MINDY2: variants seen among roughly 807,000 people sequenced by gnomAD.
MINDY2 encodes ubiquitin carboxyl-terminal hydrolase MINDY-2.
MINDY2 carries 52 observed loss-of-function variants against 68.2 expected under a neutral mutation model. That is an observed-to-expected ratio of 0.76 (90% CI 0.61 to 0.96). MINDY2 has a LOEUF of 0.96. MINDY2 is among the 40% of genes least tolerant of loss of function. MINDY2 has a pLI of 0.00. For missense variants in MINDY2, 881 were observed against 773.4 expected, an observed-to-expected ratio of 1.14 and a Z score of -1.65; for synonymous variants, 372 against 303.0, an observed-to-expected ratio of 1.23 and a Z score of -2.36.
intron 4 of MINDY2, among the ~76,000 whole-genome samples, chr15:58,814,598 C>T (rs1402518809): frequency 4.3e-5 from 6 of 138,802 alleles, no homozygotes; most frequent in Admixed American, 1.5e-4. Flanking sequence ...AGGCTGGTCT[C>T]GAACTCCTGG....
chr15:58,818,937 A>T (rs1206079958), intron 4 of MINDY2, among the ~76,000 whole-genome samples: 1 of 151,996 alleles, frequency 6.6e-6, no homozygotes, highest in Non-Finnish European at 1.5e-5. Context: ...CACTATGCCC[A>T]GCCTATTGAT....
intron 6 of MINDY2, among the ~76,000 whole-genome samples, chr15:58,839,512 C>T (rs992870907): frequency 2.6e-5 from 4 of 151,716 alleles, no homozygotes; most frequent in African/African-American, 4.8e-5. Flanking sequence ...TTGTATTTTT[C>T]GTAGGAATGT....
chr15:58,790,157 A>G (rs1403143258), intron 2 of MINDY2, among the ~76,000 whole-genome samples: 1 of 152,202 alleles, frequency 6.6e-6, no homozygotes, highest in Non-Finnish European at 1.5e-5. Flanking sequence ...TTAAGGGTAG[A>G]TTACTCTGAA....
At chr15:58,820,624 G>A (rs1193467940) in intron 4 of MINDY2, among the ~76,000 whole-genome samples, 1 of 152,110 alleles carries the variant, frequency 6.6e-6, no homozygotes, top group East Asian at 1.9e-4. Context: ...TTATAGCATA[G>A]AATGGTGGTT....
chr15:58,805,981 G>C (rs536797979), intron 3 of MINDY2, among the ~76,000 whole-genome samples: 1 of 152,348 alleles, frequency 6.6e-6, no homozygotes, highest in South Asian at 2.1e-4. Flanking sequence ...GGCTGAGGCA[G>C]ATGGAACCCT....
At chr15:58,778,105 A>AATC (rs1163538918) in intron 1 of MINDY2, among the ~76,000 whole-genome samples, 2 of 152,172 alleles carry the variant, frequency 1.3e-5, no homozygotes, top group African/African-American at 4.8e-5. Context: ...TAATAGAGGG[A>AATC]ATCCCTACTT....
At chr15:58,822,489 A>G (rs566788830) in intron 5 of MINDY2, among the ~76,000 whole-genome samples, 171 of 152,302 alleles carry the variant, frequency 1.1e-3, no homozygotes, top group African/African-American at 3.8e-3. Context: ...TGAATACTTC[A>G]ACTGACTGAG....
At chr15:58,816,471 T>A (rs989640562) in intron 4 of MINDY2, among the ~76,000 whole-genome samples, 1 of 152,136 alleles carries the variant, frequency 6.6e-6, no homozygotes, top group African/African-American at 2.4e-5. Flanking sequence ...AGTGCAGTAG[T>A]GTGATCATAG....
chr15:58,826,664 T>G (rs1338378994), intron 5 of MINDY2, among the ~76,000 whole-genome samples: 1 of 152,248 alleles, frequency 6.6e-6, no homozygotes, highest in Non-Finnish European at 1.5e-5. Context: ...ACAATGCAAT[T>G]ATTTCAAGCA....
chr15:58,828,079 A>G (rs1414913593), intron 5 of MINDY2, among the ~76,000 whole-genome samples: 6 of 151,890 alleles, frequency 4.0e-5, no homozygotes, highest in African/African-American at 1.4e-4. Context: ...CTAAAAATAC[A>G]AAAAATTAGC....
chr15:58,794,358 GGTGTGTGTGT>G (rs3985718), intron 2 of MINDY2, among the ~76,000 whole-genome samples: 22 of 139,174 alleles, frequency 1.6e-4, no homozygotes, highest in East Asian at 6.5e-4. Flanking sequence ...TTTTTTTTGG[GGTGTGTGTGT>G]GTGTGTGTGT....
chr15:58,771,662 C>T lies in MINDY2; in HGVS notation c.267C>T (p.Asp89=), dbSNP rs750079041. ...CCTCCGCGGGTTTGGACTTGAAGGACAGTGGTTTGGAGAGTCCTGCTGCCG... is the reference window on the plus strand; with the variant it reads ...CCTCCGCGGGTTTGGACTTGAAGGATAGTGGTTTGGAGAGTCCTGCTGCCG... ...CSSSAGLDLK[D]SGLESPAAAE... is the part of the protein sequence containing the mutation. Residue 89 remains aspartate, a synonymous_variant, in exon 1 of 9, where the codon GAC becomes GAT. Transcript: ENST00000559228. The T allele has an allele frequency of 5.0e-6, 8 of 1,612,502 alleles. No homozygotes were observed. In the African/African-American group the frequency reaches 8.0e-5, roughly 16 times the overall value.
intron 6 of MINDY2, among the ~76,000 whole-genome samples, chr15:58,841,821 A>G (rs552391628): frequency 1.3e-5 from 2 of 152,326 alleles, no homozygotes; most frequent in East Asian, 1.9e-4. Flanking sequence ...CTATTTATCC[A>G]TGCAGGAAAT....
chr15:58,824,324 G>A (rs2031254207), intron 5 of MINDY2, among the ~76,000 whole-genome samples: 1 of 152,084 alleles, frequency 6.6e-6, no homozygotes, highest in African/African-American at 2.4e-5. Flanking sequence ...AATTTAGGAA[G>A]AACATCATGG....
At chr15:58,801,515 C>T (rs1902661198) in intron 2 of MINDY2, among the ~76,000 whole-genome samples, 1 of 151,322 alleles carries the variant, frequency 6.6e-6, no homozygotes, top group Non-Finnish European at 1.5e-5. Flanking sequence ...AAATTGTGAT[C>T]CATATTTTTA....
At position 58,840,870 on chromosome 15, in the gene MINDY2, G is replaced by A. The variant is rs1445819297; in HGVS notation, c.1369-6427G>A. On this transcript the variant is annotated intron_variant, in intron 6 of 8. Transcript: ENST00000559228. ...TTTTTAGTAGAGATGGGTTTTCACC[G>A]TGTTAGCCAGGATGGTCTCGATCTC... 6.3e-5 allele frequency among the ~76,000 whole-genome samples: 9 copies of A among 143,010 alleles called. No individual in the cohort carries two copies. The East Asian group carries it at 1.2e-3, about 19-fold the overall frequency. 93.8% of individuals were successfully genotyped at this position (143,010 alleles called of 152,430 possible).
intron 5 of MINDY2, among the ~76,000 whole-genome samples, chr15:58,824,866 C>T (rs1013921573): frequency 4.5e-4 from 68 of 152,148 alleles, no homozygotes; most frequent in African/African-American, 1.6e-3. Context: ...GATGAGATTT[C>T]ACCATGTTGG....
chr15:58,841,098 C>G (rs1344878038), intron 6 of MINDY2, among the ~76,000 whole-genome samples: 1 of 150,690 alleles, frequency 6.6e-6, no homozygotes, highest in African/African-American at 2.4e-5. Flanking sequence ...TCTCATGCCT[C>G]AGACTCCTGA....
chr15:58,859,053 C>CT lies in MINDY2; in HGVS notation c.*4449dup, dbSNP rs778371289. The CT allele has an allele frequency of 1.5e-4, 23 of 151,994 alleles. No individual in the cohort carries two copies. The highest frequency in any genetic ancestry group is 3.2e-4 in the Non-Finnish European group (22 of 67,926). The allele number at this position is 151,994 out of a possible 1,614,324, so 9.4% of individuals were successfully genotyped here. On this transcript the variant is annotated 3_prime_UTR_variant, in exon 9 of 9. Coordinates refer to ENST00000559228, the MANE Select transcript of MINDY2 (RefSeq NM_001040450.3). ...CATCCTATGTTCTTGAATGTGCACA[C>CT]TTTTTTCTCAATAACAAAATATATC...
Sources: allele counts gnomAD v4.1 joint callset (sites outside exome capture counted in the v4.1 genomes callset), GRCh38; gene constraint gnomAD v4.1.1; transcripts MANE v1.5; gene names NCBI Gene and HGNC (gene_info 2026-07-23, HGNC 2026-07-21).